The following RPH3A variants were observed in gnomAD, a reference collection of about 807,000 sequenced individuals.
RPH3A encodes the protein rabphilin-3A.
RPH3A carries 48 observed loss-of-function variants against 102.2 expected under a neutral mutation model. That is an observed-to-expected ratio of 0.47 (90% confidence interval 0.37 to 0.60). The LOEUF is 0.60. Among genes scored for constraint, RPH3A ranks in the 20% least tolerant of loss-of-function variants. RPH3A has a pLI of 0.00. For missense variants in RPH3A, 781 were observed against 910.1 expected, an observed-to-expected ratio of 0.86 and a Z score of 1.83; for synonymous variants, 310 against 324.3, an observed-to-expected ratio of 0.96 and a Z score of 0.47.
chr12:112,754,188 C>T (rs1303266410), intron 1 of RPH3A, among the ~76,000 whole-genome samples: 1 of 152,206 alleles, frequency 6.6e-6, no homozygotes. Flanking sequence ...ATTAATTCAG[C>T]AGCCTGTCCA....
At chr12:112,701,811 C>T (rs182779507) in intron 1 of RPH3A, among the ~76,000 whole-genome samples, 1 of 152,338 alleles carries the variant, frequency 6.6e-6, no homozygotes, top group East Asian at 1.9e-4. Flanking sequence ...AGGCACCAAT[C>T]TTCACATTTT....
chr12:112,827,890 G>A (rs2041905977), intron 2 of RPH3A, among the ~76,000 whole-genome samples: 1 of 114,670 alleles, frequency 8.7e-6, no homozygotes, highest in Admixed American at 9.8e-5. Context: ...CGGAACTTAA[G>A]TATAATAAAA....
chr12:112,659,796 A>G (rs2040037118), intron 1 of RPH3A, among the ~76,000 whole-genome samples: 1 of 152,148 alleles, frequency 6.6e-6, no homozygotes, highest in Non-Finnish European at 1.5e-5. Flanking sequence ...TGGTTTGGCC[A>G]GTAGGAGCTC....
intron 1 of RPH3A, among the ~76,000 whole-genome samples, chr12:112,690,382 C>T (rs914303248): frequency 6.6e-6 from 1 of 152,254 alleles, no homozygotes; most frequent in South Asian, 2.1e-4. Flanking sequence ...GGAGTGCACA[C>T]GAAACAATGG....
chr12:112,771,782 C>T (rs982823944), intron 1 of RPH3A, among the ~76,000 whole-genome samples: 1 of 152,126 alleles, frequency 6.6e-6, no homozygotes, highest in Non-Finnish European at 1.5e-5. Flanking sequence ...TCTAAATAGA[C>T]ATGAAATCTA....
chr12:112,884,423 C>A (rs1206749679), intron 16 of RPH3A, among the ~76,000 whole-genome samples: 1 of 152,174 alleles, frequency 6.6e-6, no homozygotes, highest in African/African-American at 2.4e-5. Context: ...ATGTCTTATA[C>A]TTCATAATTA....
intron 1 of RPH3A, among the ~76,000 whole-genome samples, chr12:112,664,429 G>A (rs1051827103): frequency 2.6e-5 from 4 of 152,324 alleles, no homozygotes; most frequent in African/African-American, 9.6e-5. Context: ...AGGGAGACCA[G>A]TAAGGAATAT....
chr12:112,821,903 C>T (rs2041787080), intron 2 of RPH3A, among the ~76,000 whole-genome samples: 1 of 151,892 alleles, frequency 6.6e-6, no homozygotes, highest in South Asian at 2.1e-4. Context: ...TCTAATTTCC[C>T]AAGAGAAGCT....
chr12:112,604,091 C>T (rs2039577334), intron 1 of RPH3A, among the ~76,000 whole-genome samples: 1 of 152,194 alleles, frequency 6.6e-6, no homozygotes, highest in African/African-American at 2.4e-5. Flanking sequence ...GGTAATCAAT[C>T]TTTATGTGCA....
chr12:112,663,000 G>C (rs1379141176), intron 1 of RPH3A, among the ~76,000 whole-genome samples: 1 of 151,532 alleles, frequency 6.6e-6, no homozygotes, highest in Non-Finnish European at 1.5e-5. Flanking sequence ...TGAACATGGA[G>C]CTGGAGGTGG....
chr12:112,585,649 C>T (rs1342896663), intron 1 of RPH3A, among the ~76,000 whole-genome samples: 3 of 152,044 alleles, frequency 2.0e-5, no homozygotes, highest in Non-Finnish European at 4.4e-5. Context: ...GCAGGAGAAT[C>T]GCTTGGACTC....
At chr12:112,800,016 G>A (rs576237520) in intron 2 of RPH3A, among the ~76,000 whole-genome samples, 1 of 152,294 alleles carries the variant, frequency 6.6e-6, no homozygotes, top group South Asian at 2.1e-4. Context: ...TCTAGGCACT[G>A]CAGACTCAGC....
intron 2 of RPH3A, among the ~76,000 whole-genome samples, chr12:112,817,781 C>T (rs1406998957): frequency 1.3e-5 from 2 of 152,106 alleles, no homozygotes; most frequent in Non-Finnish European, 2.9e-5. Flanking sequence ...GTATTAGAAA[C>T]ACTTTCTGTC....
At chr12:112,612,559 C>CTTTT (rs1007489149) in intron 1 of RPH3A, among the ~76,000 whole-genome samples, 6 of 109,706 alleles carry the variant, frequency 5.5e-5, no homozygotes, top group African/African-American at 1.1e-4. Flanking sequence ...GGAGTTTTGC[C>CTTTT]TTTTTTTTTT....
intron 1 of RPH3A, among the ~76,000 whole-genome samples, chr12:112,718,538 C>G (rs935892066): frequency 1.3e-5 from 2 of 152,192 alleles, no homozygotes; most frequent in Admixed American, 1.3e-4. Flanking sequence ...CATACACACT[C>G]TTTCTCCCCA....
chr12:112,750,063 G>C (rs2040776383), intron 1 of RPH3A, among the ~76,000 whole-genome samples: 2 of 152,196 alleles, frequency 1.3e-5, no homozygotes. Context: ...CACACTGAAG[G>C]TGAAGGAGAT....
At chr12:112,744,320 C>T (rs1342504927) in intron 1 of RPH3A, among the ~76,000 whole-genome samples, 1 of 152,126 alleles carries the variant, frequency 6.6e-6, no homozygotes, top group Non-Finnish European at 1.5e-5. Context: ...AAGTGATCCA[C>T]CTGCCTTGGC....
chr12:112,771,826 G>T (rs2040929429), intron 1 of RPH3A, among the ~76,000 whole-genome samples: 1 of 152,114 alleles, frequency 6.6e-6, no homozygotes, highest in African/African-American at 2.4e-5. Context: ...CTATCTAGGG[G>T]ATAGAAGTCA....
intron 1 of RPH3A, among the ~76,000 whole-genome samples, chr12:112,757,714 G>A (rs1377426131): frequency 6.6e-6 from 1 of 152,144 alleles, no homozygotes; most frequent in African/African-American, 2.4e-5. Flanking sequence ...CTCTCCCAGG[G>A]CTAAGAAGAC....
Sources: gnomAD v4.1 joint callset for allele counts (sites outside exome capture counted in the v4.1 genomes callset) on GRCh38, gnomAD v4.1.1 for gene constraint, MANE v1.5 for transcripts, NCBI Gene and HGNC (gene_info 2026-07-23, HGNC 2026-07-21) for gene names.